The following PLAGL1 variants were observed in gnomAD, a reference collection of about 807,000 sequenced individuals.
PLAGL1 encodes the protein zinc finger protein PLAGL1.
In PLAGL1, 1 loss-of-function variant was observed where a neutral mutation model predicts 4.6. The ratio of observed to expected loss-of-function variants is 0.22; its 90% CI spans 0.08 to 1.03. The LOEUF (loss-of-function observed/expected upper bound fraction) is 1.03. PLAGL1 is among the 50% of genes least tolerant of loss of function. The pLI is 0.58. For synonymous variants in PLAGL1, 240 were observed against 237.8 expected (o/e 1.01, Z -0.08); for missense variants, 464 against 570.4 (o/e 0.81, Z 1.90).
chr6:144,018,243 T>C (rs927686285), intron 1 of PLAGL1, among the ~76,000 whole-genome samples: 2 of 152,180 alleles, frequency 1.3e-5, no homozygotes, highest in African/African-American at 4.8e-5. Flanking sequence ...TGCATGAGCC[T>C]GGAGGACATT....
chr6:144,046,910 C>A (rs577075628), intron 1 of PLAGL1, among the ~76,000 whole-genome samples: 3 of 152,330 alleles, frequency 2.0e-5, no homozygotes, highest in African/African-American at 7.2e-5. Flanking sequence ...ATAGCGGACA[C>A]CCCTCCCCCA....
chr6:144,054,299 G>A (rs570660550), intron 1 of PLAGL1, among the ~76,000 whole-genome samples: 20 of 152,220 alleles, frequency 1.3e-4, no homozygotes, highest in South Asian at 1.2e-3. Context: ...TGTGTGTGTC[G>A]TATGTTTATT....
In PLAGL1 at chr6:143,945,579, G is replaced by A. The variant is rs181709329; in HGVS notation, c.152+2406C>T. ...CAACCTCTGCCTCCCGGGTTCAAGT[G>A]ATCCTCCTACCTCAGCCTCCCGAGT... On this transcript the variant is annotated intron_variant, in intron 7 of 7. Transcript: ENST00000674357. The surrounding 1 kb of genome is among the most constrained non-coding windows in gnomAD (Gnocchi z 4.2). 4.6e-5 allele frequency among the ~76,000 whole-genome samples: 7 copies of A among 152,226 alleles called. No homozygotes were observed. In the East Asian group the frequency reaches 1.2e-3, roughly 25 times the overall value.
rs2128517529 is a variant in PLAGL1 at position 143,947,285 on chromosome 6, A to G, written c.152+700T>C. Among the ~76,000 whole-genome samples the G allele has an allele frequency of 6.6e-6, 1 of 152,182 alleles. No individual in the cohort carries two copies. Among genetic ancestry groups the G allele is most frequent in the East Asian group, 1.9e-4 (1 of 5,202 alleles). On this transcript the variant is annotated intron_variant, in intron 7 of 7. Coordinates refer to ENST00000674357, the MANE Select transcript of PLAGL1 (RefSeq NM_001317162.2). This position sits in a 1 kb window ranked among gnomAD's most constrained non-coding sequence, Gnocchi z 4.3. ...GTCTCCTCCTAGCTTTACTCTCAGG[A>G]CCTGGATCAGCCCCCACATTTCATC...
At chr6:144,023,733 A>G (rs1583753263) in intron 1 of PLAGL1, among the ~76,000 whole-genome samples, 4 of 140,378 alleles carry the variant, frequency 2.8e-5, no homozygotes, top group Admixed American at 2.8e-4. Context: ...ATAGGACTGG[A>G]TTAGAGTTGG....
At position 143,945,868 on chromosome 6, in the gene PLAGL1, G is replaced by A. The variant is rs1035329996; in HGVS notation, c.152+2117C>T. The stretch of plus-strand genomic sequence containing the variant: ...AGGCGAGAGGCAAGAAATGCTGGGG[G>A]CTGAGGCAGGGAAGGCGGTTCTTGC... On this transcript the variant is annotated intron_variant, in intron 7 of 7. Coordinates refer to ENST00000674357, the MANE Select transcript of PLAGL1 (RefSeq NM_001317162.2). The surrounding 1 kb of genome is among the most constrained non-coding windows in gnomAD (Gnocchi z 4.2). Among the ~76,000 whole-genome samples the A allele has an allele frequency of 6.6e-6, 1 of 152,170 alleles. No homozygotes were observed. The highest frequency in any genetic ancestry group is 1.5e-5 in the Non-Finnish European group (1 of 68,032).
chr6:144,035,772 T>C (rs573696384), intron 1 of PLAGL1, among the ~76,000 whole-genome samples: 95 of 152,328 alleles, frequency 6.2e-4, no homozygotes, highest in African/African-American at 2.3e-3. Flanking sequence ...TTTTTGCCTC[T>C]AGATATGATA....
rs530182642 is a variant in PLAGL1 at position 144,004,463 on chromosome 6, A to T, written c.-584+3627T>A. Among the ~76,000 whole-genome samples the T allele has an allele frequency of 6.6e-6, 1 of 152,376 alleles. No homozygotes were observed. Among genetic ancestry groups the T allele is most frequent in the Admixed American group, 6.5e-5 (1 of 15,308 alleles). The stretch of plus-strand genomic sequence containing the variant: ...AACAAACAAAAATTCTTATACATGC[A>T]ACATGGATGAATACAATGTGAACAA... On this transcript the variant is annotated intron_variant, in intron 1 of 7. Transcript: ENST00000674357. This position sits in a 1 kb window ranked among gnomAD's most constrained non-coding sequence, Gnocchi z 4.2.
intron 1 of PLAGL1, among the ~76,000 whole-genome samples, chr6:144,051,683 T>C (rs1798595237): frequency 6.6e-6 from 1 of 152,234 alleles, no homozygotes; most frequent in African/African-American, 2.4e-5. Context: ...TCCACATTGC[T>C]GGAGAGGCCT....
At position 143,949,316 on chromosome 6, in the gene PLAGL1, A is replaced by AGG. The variant is rs1780505818; in HGVS notation, c.-324-858_-324-857dup. Among the ~76,000 whole-genome samples the AGG allele has an allele frequency of 6.6e-6, 1 of 152,122 alleles. No individual in the cohort carries two copies. The highest frequency in any genetic ancestry group is 1.5e-5 in the Non-Finnish European group (1 of 68,006). On this transcript the variant is annotated intron_variant, in intron 6 of 7. Transcript: ENST00000674357. The surrounding 1 kb of genome is among the most constrained non-coding windows in gnomAD (Gnocchi z 5.3). ...GACTCAGCCAGAGTCACCAAAAACC[A>AGG]GGTTCTTCTTTTTCTACCAATTGGC...
intron 1 of PLAGL1, among the ~76,000 whole-genome samples, chr6:143,999,927 TATGGTAG>T (rs1318393981): frequency 6.6e-6 from 1 of 152,136 alleles, no homozygotes; most frequent in African/African-American, 2.4e-5. Context: ...AACAACCTTA[TATGGTAG>T]ACAGTTGTAC....
chr6:144,021,908 G>A (rs898715627), intron 1 of PLAGL1, among the ~76,000 whole-genome samples: 3 of 152,126 alleles, frequency 2.0e-5, no homozygotes, highest in Non-Finnish European at 4.4e-5. Flanking sequence ...AAAGATACTG[G>A]CTCTCTGGGA....
chr6:144,038,975 C>CAA (rs1455550983), intron 1 of PLAGL1, among the ~76,000 whole-genome samples: 4 of 151,548 alleles, frequency 2.6e-5, no homozygotes, highest in African/African-American at 9.7e-5. Context: ...TTGTTTTTTA[C>CAA]AAAAAGAAAA....
chr6:144,024,824 T>C (rs1728679551), intron 1 of PLAGL1, among the ~76,000 whole-genome samples: 1 of 152,210 alleles, frequency 6.6e-6, no homozygotes, highest in South Asian at 2.1e-4. Context: ...TATTGAATTA[T>C]AGCCCAAAGT....
chr6:143,983,110 T>C lies in PLAGL1; in HGVS notation c.-544+2025A>G, dbSNP rs896215422. The stretch of plus-strand genomic sequence containing the variant: ...AATGAGGATGTAACTGCAAGAAAGA[T>C]AAGAGTAGTCACATGCAATAGGAAG... On this transcript the variant is annotated intron_variant, in intron 2 of 7. Coordinates refer to ENST00000674357, the MANE Select transcript of PLAGL1 (RefSeq NM_001317162.2). The surrounding 1 kb of genome is among the most constrained non-coding windows in gnomAD (Gnocchi z 6.6). 6.6e-6 allele frequency among the ~76,000 whole-genome samples: 1 copy of C among 152,102 alleles called. No homozygotes were observed. The highest frequency in any genetic ancestry group is 1.5e-5 in the Non-Finnish European group (1 of 68,006).
In PLAGL1 at chr6:144,006,465, C is replaced by CT; in HGVS notation, c.-584+1624dup. 1 of 152,322 alleles carries CT rather than the reference C, an allele frequency of 6.6e-6. No individual in the cohort carries two copies. Among genetic ancestry groups the CT allele is most frequent in the Non-Finnish European group, 1.5e-5 (1 of 68,042 alleles). The allele number at this position is 152,322 out of a possible 1,614,324, so 9.4% of individuals were successfully genotyped here. A position where few individuals can be genotyped will look rare whatever the true frequency, so the allele number is the denominator to read the frequency against. On this transcript the variant is annotated intron_variant, in intron 1 of 7. Coordinates refer to ENST00000674357, the MANE Select transcript of PLAGL1 (RefSeq NM_001317162.2). The surrounding 1 kb of genome is among the most constrained non-coding windows in gnomAD (Gnocchi z 4.3). ...CACTAGGAGATGACCATTAGCTTGACTTTTTTTCTTTACTACTTTTAATGC... is the reference window on the plus strand; with the variant it reads ...CACTAGGAGATGACCATTAGCTTGACTTTTTTTTCTTTACTACTTTTAATGC...
upstream of PLAGL1, among the ~76,000 whole-genome samples, chr6:144,009,108 G>T (rs1031250354): frequency 6.6e-6 from 1 of 152,198 alleles, no homozygotes; most frequent in Non-Finnish European, 1.5e-5. Context: ...GGTTTAGAAA[G>T]TCTCATAGCT....
rs1489477320 is a variant in PLAGL1 at position 143,940,705 on chromosome 6, A to G, written c.*719T>C. The G allele has an allele frequency of 6.6e-6, 1 of 150,686 alleles. No homozygotes were observed. The allele number at this position is 150,686 out of a possible 1,614,324, so 9.3% of individuals were successfully genotyped here. A position where few individuals can be genotyped will look rare whatever the true frequency, so the allele number is the denominator to read the frequency against. ...CTTTGACTGACGCCTGGATTATTTT[A>G]CCACTTAACCTGGTTACACAGTGAT... On this transcript the variant is annotated 3_prime_UTR_variant, in exon 8 of 8. Coordinates refer to ENST00000674357, the MANE Select transcript of PLAGL1 (RefSeq NM_001317162.2).
rs1778876638 is a variant in PLAGL1, at chr6:143,942,595, T to C, written c.221A>G (p.Lys74Arg). ...CAHCEKTFNR[K>R]DHLKNHLQTH... ...CTGGAGGTGGTTTTTCAGGTGGTCT[T>C]TCCGGTTGAACGTCTTCTCACAGTG... The change falls in exon 8 of 8, where the codon AAA becomes AGA. Residue 74 changes from lysine to arginine, a missense_variant. Transcript: ENST00000674357. The surrounding 1 kb of genome is among the most constrained non-coding windows in gnomAD (Gnocchi z 7.6). 1 of 1,614,140 alleles carries C rather than the reference T, an allele frequency of 6.2e-7. No homozygotes were observed. The highest frequency in any genetic ancestry group is 2.2e-5 in the East Asian group (1 of 44,866).
Sources: allele counts gnomAD v4.1 joint callset (sites outside exome capture counted in the v4.1 genomes callset), GRCh38; gene constraint gnomAD v4.1.1; non-coding constraint Gnocchi (gnomAD v3.1); transcripts MANE v1.5; gene names NCBI Gene and HGNC (gene_info 2026-07-23, HGNC 2026-07-21).